Variants in CLPSL1 observed in about 807,000 individuals in gnomAD.
CLPSL1 encodes the protein colipase like 1.
Under a neutral mutation model 9.3 loss-of-function variants are expected in CLPSL1, and 13 were observed. The ratio of observed to expected loss-of-function variants is 1.40; its 90% CI spans 0.91 to 2.22. The LOEUF is 2.22. Among genes scored for constraint, CLPSL1 ranks in the 30% most tolerant of loss-of-function variants. The pLI is 0.00. For synonymous variants in CLPSL1, 58 were observed against 56.9 expected (o/e 1.02, Z -0.08); for missense variants, 164 against 146.6 (o/e 1.12, Z -0.61).
At chr6:35,784,142 C>T (rs957986343) in intron 1 of CLPSL1, among the ~76,000 whole-genome samples, 4 of 151,966 alleles carry the variant, frequency 2.6e-5, no homozygotes, top group South Asian at 2.1e-4. Context: ...GATTTACATT[C>T]GTTTGATCTG....
chr6:35,783,806 CA>C (rs778575275), intron 1 of CLPSL1, among the ~76,000 whole-genome samples: 5,448 of 106,048 alleles, frequency 0.051, 110 homozygotes, highest in African/African-American at 0.098. Flanking sequence ...ACTCTATCTC[CA>C]AAAAAAAAAA....
rs759096873 is a variant in CLPSL1, at chr6:35,781,192, A to G, written c.82A>G (p.Thr28Ala). Residue 28 changes from threonine to alanine, a missense_variant, in exon 1 of 3, where the codon ACA becomes GCA. Coordinates refer to ENST00000373861, the MANE Select transcript of CLPSL1 (RefSeq NM_001010886.5). ...CCTCACCAGGGGCTCACTTTCTCCA[A>G]CAAAATACAACCTTTTGGTAAGAAA... ...FLLTRGSLSPTKYNLLELKES... is the reference protein window; with the variant it reads ...FLLTRGSLSPAKYNLLELKES... 2 of 1,613,756 alleles carry G rather than the reference A, an allele frequency of 1.2e-6. No individual in the cohort carries two copies. The highest frequency in any genetic ancestry group is 2.2e-5 in the South Asian group (2 of 91,070).
At chr6:35,789,195 C>A (rs1768144870), downstream of CLPSL1, among the ~76,000 whole-genome samples, 1 of 152,250 alleles carries the variant, frequency 6.6e-6, no homozygotes, top group African/African-American at 2.4e-5. Context: ...GCTGGAAACC[C>A]AATGATACCC....
intron 1 of CLPSL1, among the ~76,000 whole-genome samples, chr6:35,783,532 C>T (rs1173432748): frequency 6.6e-6 from 1 of 151,092 alleles, no homozygotes; most frequent in Non-Finnish European, 1.5e-5. Context: ...GGGGGCTGGG[C>T]GCGGTGGCTC....
downstream of CLPSL1, among the ~76,000 whole-genome samples, chr6:35,790,915 G>A (rs903717138): frequency 5.9e-5 from 9 of 151,858 alleles, no homozygotes; most frequent in East Asian, 1.9e-4. Flanking sequence ...GTGGTGGCAC[G>A]CACGTGTAGT....
At chr6:35,784,488 G>T (rs1378230380) in intron 1 of CLPSL1, among the ~76,000 whole-genome samples, 2 of 152,188 alleles carry the variant, frequency 1.3e-5, no homozygotes, top group African/African-American at 4.8e-5. Flanking sequence ...CCCTGGCCAA[G>T]GAAGGAGTCG....
chr6:35,787,829 T>C, intron 2 of CLPSL1, 38 bp from the exon 3 acceptor site: 6 of 1,591,974 alleles, frequency 3.8e-6, no homozygotes, highest in Non-Finnish European at 5.1e-6. Flanking sequence ...AGGGAAGAGC[T>C]GCCGCCAAGG....
At chr6:35,786,347 A>C (rs1445501071) in intron 1 of CLPSL1, among the ~76,000 whole-genome samples, 1 of 152,246 alleles carries the variant, frequency 6.6e-6, no homozygotes, top group Non-Finnish European at 1.5e-5. Context: ...TGGACTGGGC[A>C]GAAAAAGCAC....
Position 35,787,889 on chromosome 6 carries a change from C to T in CLPSL1, c.245C>T (p.Ala82Val), listed in dbSNP as rs755264887. ...QTQVFFGQYR[A>V]CPCLRNLTCI... ...CAGGTGTTCTTTGGCCAATATAGAGCGTGTCCCTGCCTGCGGAACCTGACT... is the reference window on the plus strand; with the variant it reads ...CAGGTGTTCTTTGGCCAATATAGAGTGTGTCCCTGCCTGCGGAACCTGACT... Residue 82 changes from alanine to valine, a missense_variant, in exon 3 of 3, where the codon GCG becomes GTG. Transcript: ENST00000373861. The T allele has an allele frequency of 2.3e-5, 37 of 1,606,802 alleles. No homozygotes were observed. Among genetic ancestry groups the T allele is most frequent in the Admixed American group, 1.2e-4 (7 of 59,990 alleles).
At chr6:35,791,531 C>T (rs973350030), downstream of CLPSL1, among the ~76,000 whole-genome samples, 1 of 152,032 alleles carries the variant, frequency 6.6e-6, no homozygotes, top group Non-Finnish European at 1.5e-5. Flanking sequence ...TCACTTGAAC[C>T]CGGGAGGCGG....
intron 1 of CLPSL1, among the ~76,000 whole-genome samples, chr6:35,783,148 C>A (rs1279385194): frequency 1.3e-5 from 2 of 152,138 alleles, no homozygotes; most frequent in African/African-American, 2.4e-5. Context: ...AGGCAACTGT[C>A]TCCTGACTTC....
rs201100127 is a variant in CLPSL1, at chr6:35,781,178, G to A, written c.68G>A (p.Gly23Asp). 156 of 1,613,764 alleles carry A rather than the reference G, an allele frequency of 9.7e-5. No individual in the cohort carries two copies. Among genetic ancestry groups the A allele is most frequent in the Admixed American group, 1.0e-4 (6 of 59,988 alleles). Residue 23 changes from glycine to aspartate, a missense_variant, in exon 1 of 3, where the codon GGC becomes GAC. Physicochemically the swap from Gly to Asp is moderately conservative, Grantham distance 94 (BLOSUM62 -1). Coordinates refer to ENST00000373861, the MANE Select transcript of CLPSL1 (RefSeq NM_001010886.5). ...LFFFLFLLTR[G>D]SLSPTKYNLL... ...TTCTTTCTCTTCCTCCTCACCAGGGGCTCACTTTCTCCAACAAAATACAAC... is the reference window on the plus strand; with the variant it reads ...TTCTTTCTCTTCCTCCTCACCAGGGACTCACTTTCTCCAACAAAATACAAC...
At chr6:35,782,819 G>C (rs1767991115) in intron 1 of CLPSL1, among the ~76,000 whole-genome samples, 1 of 152,156 alleles carries the variant, frequency 6.6e-6, no homozygotes, top group Non-Finnish European at 1.5e-5. Context: ...GGGTACCTGG[G>C]GGAGGTCACT....
chr6:35,791,893 C>T (rs1406469930), downstream of CLPSL1, among the ~76,000 whole-genome samples: 3 of 151,870 alleles, frequency 2.0e-5, no homozygotes, highest in Non-Finnish European at 2.9e-5. Context: ...CATGGTGAAA[C>T]CCCATCTCTA....
chr6:35,787,119 A>C lies in CLPSL1; in HGVS notation c.221A>C (p.Gln74Pro). The C allele has an allele frequency of 6.2e-7, 1 of 1,611,880 alleles. No homozygotes were observed. The highest frequency in any genetic ancestry group is 8.5e-7 in the Non-Finnish European group (1 of 1,179,548). ...TCCGAGGGCAGTCTGTGTCAAACGC[A>C]GGTGGGTATCGCCGCCCGGGGGGAG... is the stretch of plus-strand genomic sequence containing the variant. The part of the protein sequence containing the change: ...KGSEGSLCQT[Q>P]VFFGQYRACP... Residue 74 changes from glutamine to proline, a missense_variant and splice_region_variant, in exon 2 of 3, where the codon CAG (glutamine) becomes CCG (proline). Transcript: ENST00000373861.
Position 35,793,503 on chromosome 6 carries a change from T to C in CLPSL1, c.97T>C (p.Cys33Arg), listed in dbSNP as rs749801103. The change falls in exon 2 of 2, where the codon TGC (cysteine) becomes CGC (arginine). Residue 33 changes from cysteine (C) to arginine (R), a missense_variant. Cys to Arg is a radical substitution (Grantham distance 180, BLOSUM62 -3). Coordinates refer to the CLPSL1 transcript ENST00000428710. Reference sequence around the variant, plus strand: ...GCCTTCCCAGCTGCCAGCTACTCCATGCTTCCTGCCTTCGAATACGGTGAG... The same window carrying C: ...GCCTTCCCAGCTGCCAGCTACTCCACGCTTCCTGCCTTCGAATACGGTGAG... 7 of 471,346 alleles carry C rather than the reference T, an allele frequency of 1.5e-5. No homozygotes were observed. The Admixed American group carries it at 1.6e-4, about 11-fold the overall frequency. The allele number at this position is 471,346 out of a possible 1,614,324, so 29.2% of individuals were successfully genotyped here.
chr6:35,783,237 G>A (rs1218648560), intron 1 of CLPSL1, among the ~76,000 whole-genome samples: 12 of 152,282 alleles, frequency 7.9e-5, no homozygotes, highest in African/African-American at 1.4e-4. Flanking sequence ...TGGGCCAGGC[G>A]CAGTGGCTCA....
chr6:35,785,450 T>C (rs2766588), intron 1 of CLPSL1, among the ~76,000 whole-genome samples: 82,852 of 151,300 alleles, frequency 0.55, 22,893 homozygotes, highest in Middle Eastern at 0.61. Flanking sequence ...GTGCTGGGAT[T>C]ACAGGCGTGA....
At chr6:35,783,885 C>G (rs1289838976) in intron 1 of CLPSL1, among the ~76,000 whole-genome samples, 1 of 150,926 alleles carries the variant, frequency 6.6e-6, no homozygotes, top group Non-Finnish European at 1.5e-5. Flanking sequence ...ACTTATGTAT[C>G]TCTTCCCTGT....
Sources: gnomAD v4.1 joint callset for allele counts (sites outside exome capture counted in the v4.1 genomes callset) on GRCh38, gnomAD v4.1.1 for gene constraint, MANE v1.5 for transcripts, NCBI Gene and HGNC (gene_info 2026-07-23, HGNC 2026-07-21) for gene names.